The following ABCC6 variants were observed in gnomAD, a reference collection of about 807,000 sequenced individuals.
ABCC6 encodes the protein ATP binding cassette subfamily C member 6, also known as ATP-binding cassette sub-family C member 6.
Under a neutral mutation model 169.5 loss-of-function variants are expected in ABCC6, and 126 were observed. The observed-to-expected ratio is 0.74, with a 90% confidence interval of 0.64 to 0.86. ABCC6 has a LOEUF of 0.86. Ranked by LOEUF, ABCC6 falls within the 40% of genes least tolerant of loss-of-function variation. The pLI is 0.00. For missense variants in ABCC6, 1,733 were observed against 1,927.2 expected (o/e 0.90, Z 1.89); for synonymous variants, 752 against 814.7 (o/e 0.92, Z 1.31).
chr16:16,176,758 G>A (rs1403454361), intron 19 of ABCC6, among the ~76,000 whole-genome samples: 1 of 152,216 alleles, frequency 6.6e-6, no homozygotes, highest in Non-Finnish European at 1.5e-5. Flanking sequence ...TCAAATCCCA[G>A]TGCTGCCACT....
intron 13 of ABCC6, 88 bp from the exon 14 acceptor site, chr16:16,187,299 G>T: frequency 9.8e-7 from 1 of 1,023,956 alleles, no homozygotes; most frequent in Non-Finnish European, 1.5e-6. Context: ...TGTGGCAACA[G>T]CTTCCTGTCT....
intron 11 of ABCC6, among the ~76,000 whole-genome samples, chr16:16,192,114 C>T (rs764804431): frequency 3.9e-5 from 6 of 152,136 alleles, no homozygotes; most frequent in Non-Finnish European, 8.8e-5. Context: ...TGAGGGAAGC[C>T]GCCCTGACTG....
At position 16,153,401 on chromosome 16, in the gene ABCC6, C is replaced by G. The variant is rs569455447; in HGVS notation, c.4208+1227G>C. On this transcript the variant is annotated intron_variant, in intron 29 of 30. Transcript: ENST00000205557. Reference sequence around the variant, plus strand: ...TGACACATGCTACGATGTGGATGACCCTTGAAGACATCATGCTGTGTGAAA... The same window carrying G: ...TGACACATGCTACGATGTGGATGACGCTTGAAGACATCATGCTGTGTGAAA... Among the ~76,000 whole-genome samples, 105 of 152,166 alleles carry G rather than the reference C, an allele frequency of 6.9e-4. 1 individual carries two copies. The highest frequency in any genetic ancestry group is 1.2e-3 in the Non-Finnish European group (85 of 68,018).
chr16:16,157,940 AT>A (rs1193765335), intron 26 of ABCC6, 131 bp from the exon 27 acceptor site: 6 of 1,017,266 alleles, frequency 5.9e-6, no homozygotes, highest in African/African-American at 1.6e-5. Flanking sequence ...CAGGGTTGTT[AT>A]GGGAATTCAA....
chr16:16,206,224 G>T (rs2048387746), intron 7 of ABCC6, among the ~76,000 whole-genome samples: 1 of 152,154 alleles, frequency 6.6e-6, no homozygotes, highest in Non-Finnish European at 1.5e-5. Flanking sequence ...CTGACGTCTG[G>T]TCTCTGGACT....
intron 21 of ABCC6, among the ~76,000 whole-genome samples, chr16:16,170,918 T>A (rs2047038594): frequency 2.5e-4 from 2 of 7,988 alleles, no homozygotes; most frequent in South Asian, 5.8e-3. Context: ...AAACTCTGTC[T>A]CAAAAAAAAA....
At chr16:16,157,467 G>A (rs1299496688) in intron 27 of ABCC6, among the ~76,000 whole-genome samples, 196 bp downstream of exon 27, 1 of 152,148 alleles carries the variant, frequency 6.6e-6, no homozygotes, top group Admixed American at 6.5e-5. Flanking sequence ...GGACACCAAG[G>A]TGGATGAGGA....
Position 16,202,006 on chromosome 16 carries a change from T to C in ABCC6, c.1171A>G (p.Arg391Gly), listed in dbSNP as rs72653762. Residue 391 changes from arginine (R) to glycine (G), a missense_variant, in exon 9 of 31, where the codon AGA becomes GGA. Physicochemically the swap from Arg to Gly is moderately radical, Grantham distance 125 (BLOSUM62 -2). This residue lies in a region of ABCC6 where 1,601 missense variants were observed against 1,635.5 expected (regional missense o/e 0.98). Transcript: ENST00000205557. The stretch of plus-strand genomic sequence containing the variant: ...CCTTGTCCCCCAGGGCTCACCTTTC[T>C]GTACACCAGGCCAGTGATGGCCGAC... ...LRSAITGLVYRKVLALSSGSR... is the reference protein window; with the variant it reads ...LRSAITGLVYGKVLALSSGSR... 11,002 of 1,613,982 alleles carry C rather than the reference T, an allele frequency of 6.8e-3. 57 individuals are homozygous for C. Among genetic ancestry groups the C allele is most frequent in the Middle Eastern group, 8.4e-3 (51 of 6,056 alleles).
At chr16:16,167,974 A>G (rs1213823444) in intron 22 of ABCC6, among the ~76,000 whole-genome samples, 1 of 152,182 alleles carries the variant, frequency 6.6e-6, no homozygotes, top group Non-Finnish European at 1.5e-5. Flanking sequence ...GAGAATCCCT[A>G]ATTTCCTCTT....
chr16:16,154,404 T>C (rs906496389), intron 29 of ABCC6, among the ~76,000 whole-genome samples: 18 of 152,222 alleles, frequency 1.2e-4, no homozygotes, highest in African/African-American at 4.1e-4. Flanking sequence ...GGTTGGGTTT[T>C]GCCACCAAGT....
At chr16:16,213,573 T>C (rs1488262939) in intron 5 of ABCC6, among the ~76,000 whole-genome samples, 2 of 149,324 alleles carry the variant, frequency 1.3e-5, no homozygotes, top group Non-Finnish European at 3.0e-5. Flanking sequence ...TTTTTTTTTT[T>C]TTTTTTGGTG....
chr16:16,176,794 T>G lies in ABCC6; in HGVS notation c.2590+658A>C, dbSNP rs144736915. Among the ~76,000 whole-genome samples the G allele has an allele frequency of 9.8e-4, 150 of 152,300 alleles. 1 individual carries two copies. Among genetic ancestry groups the G allele is most frequent in the African/African-American group, 3.3e-3 (137 of 41,574 alleles). Reference sequence around the variant, plus strand: ...TACAAGCCATGTAACCTGGGACTAGTTCCTTAACTTCTGGGCCTCAGTTTC... The same window carrying G: ...TACAAGCCATGTAACCTGGGACTAGGTCCTTAACTTCTGGGCCTCAGTTTC... On this transcript the variant is annotated intron_variant, in intron 19 of 30. Transcript: ENST00000205557.
At chr16:16,156,721 G>A (rs897787158) in intron 27 of ABCC6, among the ~76,000 whole-genome samples, 1 of 151,866 alleles carries the variant, frequency 6.6e-6, no homozygotes, top group African/African-American at 2.4e-5. Flanking sequence ...GCCGAGGGGG[G>A]TGATTGAGGT....
rs540309500 is a variant in ABCC6, at chr16:16,221,861, T to G, written c.37-30A>C. The G allele has an allele frequency of 5.0e-5, 80 of 1,612,374 alleles. No individual in the cohort carries two copies. The Middle Eastern group carries it at 2.9e-3, about 59-fold the overall frequency. ...GGGAACACAAAGAGGACCCTTAGGA[T>G]GGTACAAGGCAGGGGTCCCCAGCTC... On this transcript the variant is annotated intron_variant, in intron 1 of 30. Transcript: ENST00000205557.
chr16:16,191,025 T>C (rs1261751108), intron 11 of ABCC6, among the ~76,000 whole-genome samples: 1 of 150,620 alleles, frequency 6.6e-6, no homozygotes, highest in Non-Finnish European at 1.5e-5. Context: ...GTGGGCAGGG[T>C]CACTTGGCAC....
At chr16:16,218,861 TTTTAGTAGAAA>T (rs1210580196) in intron 4 of ABCC6, among the ~76,000 whole-genome samples, 1 of 51,204 alleles carries the variant, frequency 2.0e-5, no homozygotes, top group African/African-American at 8.9e-5. Flanking sequence ...ATACAAAAAT[TTTTAGTAGAAA>T]TTTAGTAGAA....
Position 16,182,899 on chromosome 16 carries a change from G to T in ABCC6, c.1975C>A (p.Leu659Met), listed in dbSNP as rs1192401956. The change falls in exon 16 of 31, where the codon CTG (leucine) becomes ATG (methionine). Residue 659 changes from leucine (L) to methionine (M), a missense_variant. Transcript: ENST00000205557. ...GCCCCCACTGGACCGACAACAGCCA[G>T]CAGACAGCCCTGGGGCACCGTGAGG... The part of the protein sequence containing the change: ...INLTVPQGCL[L>M]AVVGPVGAGK... 1 of 1,614,080 alleles carries T rather than the reference G, an allele frequency of 6.2e-7. No individual in the cohort carries two copies. Among genetic ancestry groups the T allele is most frequent in the Admixed American group, 1.7e-5 (1 of 60,006 alleles).
intron 1 of ABCC6, among the ~76,000 whole-genome samples, chr16:16,222,255 G>T (rs549028313): frequency 1.0e-3 from 157 of 152,292 alleles, no homozygotes; most frequent in African/African-American, 3.7e-3. Context: ...GCACCAGTCG[G>T]GGAACTGCCT....
Position 16,154,645 on chromosome 16 carries a change from G to T in ABCC6, c.4191C>A (p.Asp1397Glu), listed in dbSNP as rs1021172050. 6.2e-7 allele frequency: 1 copy of T among 1,612,460 alleles called. No individual in the cohort carries two copies. The highest frequency in any genetic ancestry group is 1.1e-5 in the South Asian group (1 of 91,002). Residue 1397 changes from aspartate (D) to glutamate (E), a missense_variant, in exon 29 of 31, where the codon GAC becomes GAA. Transcript: ENST00000205557. ...GACCATACCTCAGGTCCTCGCCTCG[G>T]TCAGCACACTTGTACTGCAGCTGGC... ...LPGQLQYKCA[D>E]RGEDLSVGQK...
Sources: allele counts gnomAD v4.1 joint callset (sites outside exome capture counted in the v4.1 genomes callset), GRCh38; gene constraint gnomAD v4.1.1; regional missense constraint gnomAD v4.1.1; transcripts MANE v1.5; gene names NCBI Gene and HGNC (gene_info 2026-07-23, HGNC 2026-07-21).